USP9X: variants seen among roughly 807,000 people sequenced by gnomAD.
USP9X encodes the protein ubiquitin carboxyl-terminal hydrolase 9X.
Under a neutral mutation model 190.3 loss-of-function variants are expected in USP9X, and 7 were observed. The observed-to-expected ratio is 0.04, with a 90% CI of 0.02 to 0.07. USP9X has a LOEUF of 0.07. Among genes scored for constraint, USP9X ranks in the 10% least tolerant of loss-of-function variants. The pLI is 1.00. For missense variants in USP9X, 1,010 were observed against 1,916.9 expected (o/e 0.53, Z 8.83); for synonymous variants, 645 against 659.5 (o/e 0.98, Z 0.34).
In USP9X at chrX:41,178,084, CTTTTTTTTT is replaced by C. The variant is rs758055868; in HGVS notation, c.3149-5892_3149-5884del. On this transcript the variant is annotated intron_variant, in intron 21 of 44. Coordinates refer to ENST00000378308, the MANE Select transcript of USP9X (RefSeq NM_001039591.3). The stretch of plus-strand genomic sequence containing the variant: ...AGAAATCAAAATCCGAGGTTTAAAT[CTTTTTTTTT>C]TTTTTTTTTTTTTTTTTTTTTGAGA... 8.7e-3 allele frequency among the ~76,000 whole-genome samples: 299 copies of C among 34,313 alleles called. 1 individual carries two copies. Among genetic ancestry groups the C allele is most frequent in the Non-Finnish European group, 0.011 (223 of 20,292 alleles). The allele number at this position is 34,313 out of a possible 115,157, so 29.8% of individuals were successfully genotyped here.
chrX:41,094,788 C>T (rs2146918792), intron 1 of USP9X, among the ~76,000 whole-genome samples: 1 of 109,730 alleles, frequency 9.1e-6, no homozygotes, highest in South Asian at 4.0e-4. Flanking sequence ...CCTGTAATCC[C>T]AGCACTTTGG....
At position 41,232,827 on chromosome X, in the gene USP9X, A is replaced by AACCACC; in HGVS notation, c.*303_*304insACCACC. On this transcript the variant is annotated 3_prime_UTR_variant, in exon 45 of 45. Coordinates refer to ENST00000378308, the MANE Select transcript of USP9X (RefSeq NM_001039591.3). ...AGAAACTTTTTTCTTGATGAGACTC[A>AACCACC]CAGATCTACACAAACTACAAAAGTT... 8.8e-6 allele frequency: 1 copy of AACCACC among 113,204 alleles called. No individual in the cohort carries two copies. The highest frequency in any genetic ancestry group is 1.8e-5 in the Non-Finnish European group (1 of 57,018). 9.3% of individuals were successfully genotyped at this position (113,204 alleles called of 1,213,427 possible).
intron 34 of USP9X, 50 bp from the exon 35 acceptor site, chrX:41,215,849 T>C (rs766161450): frequency 3.3e-5 from 37 of 1,127,051 alleles, no homozygotes; most frequent in Admixed American, 2.7e-4. Context: ...TTTTTTTTTT[T>C]CCTGTGGATT....
chrX:41,158,726 G>A (rs866137216), intron 14 of USP9X, among the ~76,000 whole-genome samples: 1 of 111,165 alleles, frequency 9.0e-6, no homozygotes, highest in Non-Finnish European at 1.9e-5. Context: ...GTTTTTCCAC[G>A]GACTGGGGGG....
chrX:41,189,545 A>G (rs992157812), intron 26 of USP9X, 70 bp downstream of exon 26: 1 of 956,869 alleles, frequency 1.0e-6, no homozygotes, highest in South Asian at 2.7e-5. Flanking sequence ...GGCTGGCAAA[A>G]TGTGTCCCCA....
chrX:41,228,024 A>G (rs920158775), intron 41 of USP9X, among the ~76,000 whole-genome samples: 1 of 110,600 alleles, frequency 9.0e-6, no homozygotes, highest in African/African-American at 3.3e-5. Context: ...TTATTACCCC[A>G]AAAGGAAACC....
intron 26 of USP9X, among the ~76,000 whole-genome samples, chrX:41,192,428 A>AT (rs770459782): frequency 3.8e-5 from 4 of 105,143 alleles, no homozygotes; most frequent in East Asian, 3.2e-4. Context: ...GATAAACGAT[A>AT]TTTTTTTCTG....
intron 1 of USP9X, among the ~76,000 whole-genome samples, chrX:41,101,308 G>A (rs375869351): frequency 9.1e-6 from 1 of 109,854 alleles, no homozygotes; most frequent in African/African-American, 3.3e-5. Flanking sequence ...AGCCAGGCAC[G>A]GTGGCTCACA....
intron 1 of USP9X, among the ~76,000 whole-genome samples, chrX:41,086,705 T>C (rs1356512686): frequency 8.9e-6 from 1 of 112,620 alleles, no homozygotes; most frequent in Non-Finnish European, 1.9e-5. Flanking sequence ...GTTATCGGCC[T>C]CCTACACCTC....
At chrX:41,193,629 A>T (rs2062956834) in intron 26 of USP9X, among the ~76,000 whole-genome samples, 1 of 111,658 alleles carries the variant, frequency 9.0e-6, no homozygotes, top group African/African-American at 3.3e-5. Context: ...GTGCCACTGC[A>T]CTCTAGCCTG....
rs532940026 is a variant in USP9X, at chrX:41,142,616, C to G, written c.1162-675C>G. Reference sequence around the variant, plus strand: ...GGGCCTAACTACTTTTTATTCTCAGCTAAATACTGCAAAATCATATAGTGT... The same window carrying G: ...GGGCCTAACTACTTTTTATTCTCAGGTAAATACTGCAAAATCATATAGTGT... On this transcript the variant is annotated intron_variant, in intron 9 of 44. Transcript: ENST00000378308. Among the ~76,000 whole-genome samples, 8 of 112,162 alleles carry G rather than the reference C, an allele frequency of 7.1e-5. No individual in the cohort carries two copies. The East Asian group carries it at 1.9e-3, about 27-fold the overall frequency.
intron 1 of USP9X, among the ~76,000 whole-genome samples, chrX:41,100,565 C>T (rs376808642): frequency 3.6e-5 from 4 of 111,882 alleles, no homozygotes; most frequent in Non-Finnish European, 5.6e-5. Context: ...GCATTTCCAA[C>T]GGCACACAAG....
intron 15 of USP9X, among the ~76,000 whole-genome samples, chrX:41,164,460 A>G (rs1240023428): frequency 9.0e-6 from 1 of 110,877 alleles, no homozygotes; most frequent in East Asian, 2.8e-4. Context: ...GGCATGTGTT[A>G]TATGTCTCTT....
rs1273809333 is a variant in USP9X, at chrX:41,196,845, AT to A, written c.4233+109del. The A allele has an allele frequency of 1.4e-4, 96 of 671,267 alleles. No individual in the cohort carries two copies. In the South Asian group the frequency reaches 3.0e-3, roughly 21 times the overall value. The allele number at this position is 671,267 out of a possible 1,213,427, so 55.3% of individuals were successfully genotyped here. A position where few individuals can be genotyped will look rare whatever the true frequency, so the allele number is the denominator to read the frequency against. ...TTTGGTTAAATGGAAAACTCCAAAG[AT>A]TGATAAAAGGGACCAAAGAATGTAC... is the stretch of plus-strand genomic sequence containing the variant. On this transcript the variant is annotated intron_variant, in intron 28 of 44. Transcript: ENST00000378308.
At chrX:41,203,427 A>G (rs2063061080) in intron 31 of USP9X, among the ~76,000 whole-genome samples, 1 of 112,511 alleles carries the variant, frequency 8.9e-6, no homozygotes, top group South Asian at 3.6e-4. Flanking sequence ...AAGTGATTAT[A>G]TAAGTGAAAT....
chrX:41,169,813 A>C (rs2062709258), intron 18 of USP9X, among the ~76,000 whole-genome samples, 182 bp from the exon 19 acceptor site: 1 of 111,940 alleles, frequency 8.9e-6, no homozygotes, highest in South Asian at 3.7e-4. Context: ...AAGAAATCCA[A>C]AATTTGTCTG....
At chrX:41,172,055 C>G in intron 21 of USP9X, 97 bp downstream of exon 21, 1 of 1,009,644 alleles carries the variant, frequency 9.9e-7, no homozygotes, top group Non-Finnish European at 1.3e-6. Context: ...TTGGTATAGA[C>G]TATAACAAGA....
chrX:41,103,250 C>G (rs1376600251), intron 1 of USP9X, among the ~76,000 whole-genome samples: 1 of 112,709 alleles, frequency 8.9e-6, no homozygotes, highest in Non-Finnish European at 1.9e-5. Context: ...CGGAACTTCA[C>G]AGCCTTTGTA....
At chrX:41,173,244 C>T (rs1363218354) in intron 21 of USP9X, among the ~76,000 whole-genome samples, 1 of 111,389 alleles carries the variant, frequency 9.0e-6, no homozygotes, top group African/African-American at 3.3e-5. Context: ...CCTTTGTCTC[C>T]TTAGTGATCC....
Sources: allele counts gnomAD v4.1 joint callset (sites outside exome capture counted in the v4.1 genomes callset), GRCh38; gene constraint gnomAD v4.1.1; transcripts MANE v1.5; gene names NCBI Gene and HGNC (gene_info 2026-07-23, HGNC 2026-07-21).